Variants in TPTE observed in about 807,000 individuals in gnomAD.
The protein encoded by TPTE is putative tyrosine-protein phosphatase TPTE.
A neutral mutation model predicts 84.1 loss-of-function variants in TPTE; 59 were observed. The observed-to-expected ratio is 0.70, with a 90% CI of 0.57 to 0.87. The LOEUF is 0.87. Ranked by LOEUF, TPTE falls within the 40% of genes least tolerant of loss-of-function variation. The pLI is 0.00. For missense variants in TPTE, 382 were observed against 659.6 expected, an observed-to-expected ratio of 0.58 and a Z score of 4.61; for synonymous variants, 130 against 223.5, an observed-to-expected ratio of 0.58 and a Z score of 3.73.
intron 3 of TPTE, among the ~76,000 whole-genome samples, chr21:10,537,072 G>GA (rs1555886339): frequency 6.6e-6 from 1 of 152,306 alleles, no homozygotes; most frequent in Non-Finnish European, 1.5e-5. Flanking sequence ...GAGCAGAGAA[G>GA]ACACCTATAA....
intron 4 of TPTE, among the ~76,000 whole-genome samples, 178 bp from the exon 5 acceptor site, chr21:10,540,934 A>C (rs572141585): frequency 3.5e-4 from 53 of 152,392 alleles, no homozygotes; most frequent in Middle Eastern, 3.4e-3. Context: ...CACTGTTGGC[A>C]TATGAAACCT....
At chr21:10,565,014 GAGAA>G (rs1296605415) in intron 10 of TPTE, among the ~76,000 whole-genome samples, 8 of 152,302 alleles carry the variant, frequency 5.3e-5, no homozygotes, top group South Asian at 2.1e-4. Context: ...CATTATGGAA[GAGAA>G]AGAAAGGGAA....
intron 17 of TPTE, among the ~76,000 whole-genome samples, chr21:10,588,710 AT>A (rs1358161098): frequency 0.016 from 2,309 of 148,140 alleles, no homozygotes; most frequent in African/African-American, 0.059. Flanking sequence ...TTTAAAAAAT[AT>A]TTTTTTCTTT....
At chr21:10,595,709 T>A (rs2075569027) in intron 19 of TPTE, among the ~76,000 whole-genome samples, 2 of 152,308 alleles carry the variant, frequency 1.3e-5, no homozygotes, top group African/African-American at 4.8e-5. Flanking sequence ...TTGTTGTGCT[T>A]CTGATTAGTT....
chr21:10,550,369 G>GGT (rs1486734760), intron 7 of TPTE, among the ~76,000 whole-genome samples: 2 of 152,308 alleles, frequency 1.3e-5, no homozygotes, highest in Non-Finnish European at 2.9e-5. Flanking sequence ...CACATAGACT[G>GGT]ATAATAAAGG....
At chr21:10,537,611 GAGCTTGCA>G (rs1220959071) in intron 3 of TPTE, among the ~76,000 whole-genome samples, 31 of 152,306 alleles carry the variant, frequency 2.0e-4, no homozygotes, top group African/African-American at 7.5e-4. Flanking sequence ...CCGGGAGGTG[GAGCTTGCA>G]GTGAACCGAG....
At chr21:10,591,542 G>A (rs1448489853) in intron 18 of TPTE, among the ~76,000 whole-genome samples, 1 of 152,310 alleles carries the variant, frequency 6.6e-6, no homozygotes, top group Admixed American at 6.5e-5. Flanking sequence ...TTTAAATATT[G>A]GTGTGTGTGT....
At chr21:10,532,900 C>T (rs1009325226) in intron 3 of TPTE, among the ~76,000 whole-genome samples, 3 of 152,302 alleles carry the variant, frequency 2.0e-5, no homozygotes, top group Admixed American at 6.5e-5. Flanking sequence ...TGATGTTGGT[C>T]TGTCCTTGTG....
intron 10 of TPTE, among the ~76,000 whole-genome samples, chr21:10,566,289 T>TA: frequency 6.6e-6 from 1 of 152,304 alleles, no homozygotes; most frequent in Non-Finnish European, 1.5e-5. Context: ...ATTCTCAGTG[T>TA]AGAAAACTAC....
chr21:10,539,106 TGTTA>T (rs1422420640), intron 4 of TPTE, among the ~76,000 whole-genome samples: 1 of 152,302 alleles, frequency 6.6e-6, no homozygotes, highest in African/African-American at 2.4e-5. Flanking sequence ...TATTTGTCAC[TGTTA>T]GTTCCTAGTA....
At chr21:10,556,475 C>T (rs1365064781) in intron 8 of TPTE, among the ~76,000 whole-genome samples, 1 of 152,304 alleles carries the variant, frequency 6.6e-6, no homozygotes, top group African/African-American at 2.4e-5. Flanking sequence ...CAAGTCTTTG[C>T]TATTGTGAAT....
At chr21:10,546,462 CA>C (rs2074469731) in intron 7 of TPTE, among the ~76,000 whole-genome samples, 2 of 152,310 alleles carry the variant, frequency 1.3e-5, no homozygotes, top group Admixed American at 1.3e-4. Flanking sequence ...AGGGAAGAGT[CA>C]CATGTCTCTC....
intron 3 of TPTE, among the ~76,000 whole-genome samples, chr21:10,529,027 T>C (rs2074131041): frequency 6.6e-6 from 1 of 152,190 alleles, no homozygotes; most frequent in Non-Finnish European, 1.5e-5. Context: ...CTACTAAAAA[T>C]ACAAAAATTA....
chr21:10,539,235 G>A (rs550260260), intron 4 of TPTE, among the ~76,000 whole-genome samples: 271 of 152,312 alleles, frequency 1.8e-3, no homozygotes, highest in African/African-American at 5.8e-3. Flanking sequence ...AAGGAGCAGT[G>A]AAGCCCTGGG....
intron 21 of TPTE, among the ~76,000 whole-genome samples, chr21:10,598,928 T>G (rs2075639941): frequency 6.6e-6 from 1 of 152,312 alleles, no homozygotes; most frequent in South Asian, 2.1e-4. Flanking sequence ...GACCCTTGGC[T>G]TTGTGTTCTT....
Position 10,567,793 on chromosome 21 carries a change from T to C in TPTE, c.566+4T>C. The C allele has an allele frequency of 6.2e-7, 1 of 1,613,340 alleles. No individual in the cohort carries two copies. ...AGTTGCTTAGGAATATTCCCAGGTA[T>C]GAAACATAAGACTTACCTCTCTTAA... On this transcript the variant is annotated splice_donor_region_variant and intron_variant, in intron 11 of 23. Transcript: ENST00000618007.
chr21:10,546,436 C>CT (rs1223205482), intron 7 of TPTE, among the ~76,000 whole-genome samples: 3 of 152,304 alleles, frequency 2.0e-5, no homozygotes, highest in African/African-American at 7.2e-5. Context: ...ATGATGGTCT[C>CT]TGAGTGTCCT....
chr21:10,537,693 GA>G (rs1555886422), intron 3 of TPTE, among the ~76,000 whole-genome samples: 1 of 150,318 alleles, frequency 6.7e-6, no homozygotes, highest in South Asian at 2.1e-4. Context: ...AAAAAAAAAA[GA>G]AAAAAGAAAA....
chr21:10,573,114 G>C (rs1421083031), intron 14 of TPTE, among the ~76,000 whole-genome samples: 1 of 151,578 alleles, frequency 6.6e-6, no homozygotes, highest in East Asian at 1.9e-4. Context: ...AACTTCACCT[G>C]TAAAGGATCA....
Sources: allele counts gnomAD v4.1 joint callset (sites outside exome capture counted in the v4.1 genomes callset), GRCh38; gene constraint gnomAD v4.1.1; transcripts MANE v1.5; gene names NCBI Gene and HGNC (gene_info 2026-07-23, HGNC 2026-07-21).